Variants in NIBAN1 observed in about 807,000 individuals in gnomAD.
NIBAN1 encodes the protein niban apoptosis regulator 1, also known as protein Niban 1.
In NIBAN1, 81 loss-of-function variants were observed where a neutral mutation model predicts 75.1. The ratio of observed to expected loss-of-function variants is 1.08; its 90% confidence interval spans 0.90 to 1.30. The LOEUF is 1.30. Among genes scored for constraint, NIBAN1 ranks in the 50% most tolerant of loss-of-function variants. The pLI, the probability that NIBAN1 is intolerant of heterozygous loss-of-function variation, is 0.00. For missense variants in NIBAN1, 1,133 were observed against 1,128.1 expected, an observed-to-expected ratio of 1.00 and a Z score of -0.06; for synonymous variants, 436 against 424.8, an observed-to-expected ratio of 1.03 and a Z score of -0.32.
At chr1:184,804,165 A>G (rs755967757) in intron 11 of NIBAN1, among the ~76,000 whole-genome samples, 10 of 152,246 alleles carry the variant, frequency 6.6e-5, no homozygotes, top group Non-Finnish European at 1.3e-4. Flanking sequence ...TATCCAGAAC[A>G]AGAAAGATGA....
chr1:184,822,911 G>A (rs1654741367), intron 8 of NIBAN1, among the ~76,000 whole-genome samples: 1 of 152,086 alleles, frequency 6.6e-6, no homozygotes, highest in South Asian at 2.1e-4. Context: ...GGGGGTTGGG[G>A]GTGCAGGCAG....
At chr1:184,954,789 A>C (rs1658442287) in intron 1 of NIBAN1, among the ~76,000 whole-genome samples, 1 of 152,208 alleles carries the variant, frequency 6.6e-6, no homozygotes, top group Non-Finnish European at 1.5e-5. Context: ...TGGAGACCTG[A>C]ATTCCAAGCC....
rs116820598 is a variant in NIBAN1 at position 184,884,676 on chromosome 1, C to T, written c.558G>A (p.Arg186=). The T allele has an allele frequency of 3.9e-3, 6,254 of 1,614,136 alleles. 188 individuals are homozygous for T. In the African/African-American group the frequency reaches 0.068, roughly 17 times the overall value. The part of the protein sequence containing the change: ...FCFHEAADQK[R]FSALLSDCVR... ...CGCAGTCACTCAGGAGGGCACTAAA[C>T]CTCTTCTGGTCAGCAGCCTCGTGGA... Residue 186 remains arginine, a synonymous_variant, in exon 5 of 14, where the codon AGG becomes AGA. Coordinates refer to ENST00000367511, the MANE Select transcript of NIBAN1 (RefSeq NM_052966.4).
intron 5 of NIBAN1, 122 bp downstream of exon 5, chr1:184,884,511 C>T: frequency 7.5e-7 from 1 of 1,326,262 alleles, no homozygotes; most frequent in South Asian, 1.4e-5. Context: ...AGGCATGAGC[C>T]ACCGCACTTG....
intron 5 of NIBAN1, among the ~76,000 whole-genome samples, chr1:184,875,672 A>G (rs1280745318): frequency 6.6e-6 from 1 of 152,210 alleles, no homozygotes; most frequent in African/African-American, 2.4e-5. Context: ...ATTTGACTCC[A>G]TTTTTTGAAG....
At chr1:184,911,923 A>T (rs934897602) in intron 1 of NIBAN1, among the ~76,000 whole-genome samples, 1 of 152,196 alleles carries the variant, frequency 6.6e-6, no homozygotes, top group Non-Finnish European at 1.5e-5. Flanking sequence ...CCTCAAAAAA[A>T]TTTTAAACAA....
intron 5 of NIBAN1, among the ~76,000 whole-genome samples, chr1:184,857,365 C>T (rs1655706709): frequency 6.6e-6 from 1 of 152,182 alleles, no homozygotes; most frequent in African/African-American, 2.4e-5. Flanking sequence ...GGGAAAAGCA[C>T]ACTACAACAT....
intron 1 of NIBAN1, among the ~76,000 whole-genome samples, chr1:184,969,487 A>G (rs565582730): frequency 3.8e-4 from 58 of 152,238 alleles, no homozygotes; most frequent in African/African-American, 1.3e-3. Flanking sequence ...CCTTTTTAAA[A>G]GGGAAGAAAA....
intron 5 of NIBAN1, among the ~76,000 whole-genome samples, chr1:184,872,536 T>C (rs1305466569): frequency 6.6e-6 from 1 of 152,116 alleles, no homozygotes; most frequent in Non-Finnish European, 1.5e-5. Context: ...TGAAACCCCA[T>C]CTCTACTAAA....
At position 184,912,362 on chromosome 1, in the gene NIBAN1, T is replaced by C. The variant is rs1044545609; in HGVS notation, c.56-13053A>G. Reference sequence around the variant, plus strand: ...GGTGCATATATACAAGTTTCTCTACTGCGTGTGTTAAGAATATTAGGTCAA... The same window carrying C: ...GGTGCATATATACAAGTTTCTCTACCGCGTGTGTTAAGAATATTAGGTCAA... On this transcript the variant is annotated intron_variant, in intron 1 of 13. Coordinates refer to ENST00000367511, the MANE Select transcript of NIBAN1 (RefSeq NM_052966.4). Among the ~76,000 whole-genome samples the C allele has an allele frequency of 5.3e-5, 8 of 152,194 alleles. No homozygotes were observed. The East Asian group carries it at 1.5e-3, about 29-fold the overall frequency.
chr1:184,872,314 A>G (rs1322759067), intron 5 of NIBAN1, among the ~76,000 whole-genome samples: 2 of 152,266 alleles, frequency 1.3e-5, no homozygotes, highest in East Asian at 3.9e-4. Context: ...AATGGATTAA[A>G]TACAGATGAA....
chr1:184,923,958 G>GT (rs34375473), intron 1 of NIBAN1, among the ~76,000 whole-genome samples: 3,848 of 140,158 alleles, frequency 0.027, 67 homozygotes, highest in African/African-American at 0.047. Context: ...AGTTCTAATA[G>GT]TTTTTTTTTT....
chr1:184,907,599 C>G (rs1360894170), intron 1 of NIBAN1, among the ~76,000 whole-genome samples: 3 of 152,118 alleles, frequency 2.0e-5, no homozygotes, highest in African/African-American at 7.2e-5. Context: ...CACTTTACAC[C>G]TTAGGGTGGA....
intron 5 of NIBAN1, among the ~76,000 whole-genome samples, chr1:184,843,422 G>A (rs923467504): frequency 2.3e-4 from 35 of 151,836 alleles, no homozygotes; most frequent in African/African-American, 7.5e-4. Context: ...AAAAAGTATG[G>A]ATGGTGTCAT....
chr1:184,879,947 T>C (rs1656334456), intron 5 of NIBAN1, among the ~76,000 whole-genome samples: 1 of 152,188 alleles, frequency 6.6e-6, no homozygotes, highest in South Asian at 2.1e-4. Context: ...TCACCAAAAT[T>C]CTATGGGCTT....
At chr1:184,933,852 C>G (rs1657886224) in intron 1 of NIBAN1, among the ~76,000 whole-genome samples, 1 of 152,220 alleles carries the variant, frequency 6.6e-6, no homozygotes, top group South Asian at 2.1e-4. Flanking sequence ...AAGAATGTTT[C>G]ATAAGAAAGT....
At chr1:184,957,723 A>T (rs1658526085) in intron 1 of NIBAN1, among the ~76,000 whole-genome samples, 1 of 152,166 alleles carries the variant, frequency 6.6e-6, no homozygotes, top group African/African-American at 2.4e-5. Flanking sequence ...CCTCATTTTC[A>T]TAGGAGAAAC....
In NIBAN1 at chr1:184,792,108, C is replaced by T. The variant is rs149007931; in HGVS notation, c.*2869G>A. The T allele has an allele frequency of 9.2e-5, 14 of 152,140 alleles. No individual in the cohort carries two copies. The highest frequency in any genetic ancestry group is 3.4e-4 in the African/African-American group (14 of 41,484). The allele number at this position is 152,140 out of a possible 1,614,324, so 9.4% of individuals were successfully genotyped here. On this transcript the variant is annotated 3_prime_UTR_variant, in exon 14 of 14. Coordinates refer to ENST00000367511, the MANE Select transcript of NIBAN1 (RefSeq NM_052966.4). Reference sequence around the variant, plus strand: ...AGTAGCTAGGACTGCAGGCACACACCATTATTATTTTTTGTAAGGATGAGA... The same window carrying T: ...AGTAGCTAGGACTGCAGGCACACACTATTATTATTTTTTGTAAGGATGAGA...
intron 5 of NIBAN1, among the ~76,000 whole-genome samples, chr1:184,859,184 G>A (rs1327889860): frequency 3.3e-5 from 5 of 151,072 alleles, no homozygotes; most frequent in African/African-American, 9.8e-5. Context: ...ATATATGTGC[G>A]GTTTTAAATA....
Sources: allele counts gnomAD v4.1 joint callset (sites outside exome capture counted in the v4.1 genomes callset), GRCh38; gene constraint gnomAD v4.1.1; transcripts MANE v1.5; gene names NCBI Gene and HGNC (gene_info 2026-07-23, HGNC 2026-07-21).